Variants in ZFHX3 observed in about 807,000 individuals in gnomAD.
The protein encoded by ZFHX3 is zinc finger homeobox 3, also known as zinc finger homeobox protein 3.
ZFHX3 carries 42 observed loss-of-function variants against 279.1 expected under a neutral mutation model. The observed-to-expected ratio is 0.15, with a 90% CI of 0.12 to 0.19. The LOEUF (loss-of-function observed/expected upper bound fraction) is 0.19. ZFHX3 is among the 10% of genes least tolerant of loss of function. The pLI is 1.00. For synonymous variants in ZFHX3, 2,293 were observed against 1,957.8 expected (o/e 1.17, Z -4.52); for missense variants, 4,981 against 4,754.0 (o/e 1.05, Z -1.40).
At chr16:73,713,548 T>C (rs545121316) in intron 1 of ZFHX3, among the ~76,000 whole-genome samples, 2 of 151,864 alleles carry the variant, frequency 1.3e-5, no homozygotes, top group East Asian at 3.9e-4. Flanking sequence ...TGCAGGCACA[T>C]ACTCCAGACA....
intron 2 of ZFHX3, among the ~76,000 whole-genome samples, chr16:73,473,339 C>CAAAAAAAAAAAAAAAAAAGAAAAAAA (rs11347779): frequency 1.3e-5 from 1 of 76,658 alleles, no homozygotes; most frequent in Non-Finnish European, 2.3e-5. Flanking sequence ...TGTCTCAAAG[C>CAAAAAAAAAAAAAAAAAAGAAAAAAA]AAAAAAAAAA....
intron 8 of ZFHX3, among the ~76,000 whole-genome samples, chr16:73,070,898 T>A (rs1346320586): frequency 6.9e-6 from 1 of 145,934 alleles, no homozygotes; most frequent in African/African-American, 2.5e-5. Flanking sequence ...CCTTGCGGGC[T>A]GGTTCCTAGA....
At chr16:73,373,101 G>A (rs1597306275) in intron 3 of ZFHX3, among the ~76,000 whole-genome samples, 1 of 150,688 alleles carries the variant, frequency 6.6e-6, no homozygotes, top group East Asian at 2.0e-4. Flanking sequence ...GAGACACCTG[G>A]GCCTGGGGAC....
Position 72,959,308 on chromosome 16 carries a change from G to C in ZFHX3, c.838C>G (p.Pro280Ala). The change falls in exon 2 of 10, where the codon CCC becomes GCC. Residue 280 changes from proline (P) to alanine (A), a missense_variant. Pro to Ala is a conservative substitution (Grantham distance 27). Around this residue, in one of 7 missense-constraint regions of ZFHX3, gnomAD observed 1,068 missense variants for 935.2 expected, o/e 1.14. Coordinates refer to ENST00000268489, the MANE Select transcript of ZFHX3 (RefSeq NM_006885.4). ...TTGCACAAGAAACACATCAGGATGG[G>C]CTTCCTCTTGCCATAGAGCACAAAG... ...DGFVLYGKRK[P>A]ILMCFLCKLS... 2 of 1,614,222 alleles carry C rather than the reference G, an allele frequency of 1.2e-6. No individual in the cohort carries two copies. Among genetic ancestry groups the C allele is most frequent in the Non-Finnish European group, 1.7e-6 (2 of 1,180,034 alleles).
At chr16:73,345,687 G>C (rs553959195) in intron 3 of ZFHX3, among the ~76,000 whole-genome samples, 5 of 152,122 alleles carry the variant, frequency 3.3e-5, no homozygotes, top group Non-Finnish European at 4.4e-5. Flanking sequence ...TGTGAGTAGT[G>C]CTGCAATGAA....
chr16:73,033,294 C>T (rs1349367676), intron 1 of ZFHX3, among the ~76,000 whole-genome samples: 1 of 152,138 alleles, frequency 6.6e-6, no homozygotes, highest in African/African-American at 2.4e-5. Flanking sequence ...GGTTAAATGC[C>T]CAGTGTCTGA....
chr16:73,325,926 C>CACACAA (rs778693267), intron 3 of ZFHX3, among the ~76,000 whole-genome samples: 2 of 78,318 alleles, frequency 2.6e-5, no homozygotes, highest in South Asian at 4.4e-4. Context: ...CACACACACA[C>CACACAA]AAACACACAC....
chr16:73,534,697 A>G (rs2143735335), intron 2 of ZFHX3, among the ~76,000 whole-genome samples: 1 of 152,362 alleles, frequency 6.6e-6, no homozygotes, highest in African/African-American at 2.4e-5. Context: ...AATAATGCAC[A>G]ATAAATGTTA....
intron 4 of ZFHX3, among the ~76,000 whole-genome samples, chr16:72,843,625 G>A (rs1392441700): frequency 2.6e-5 from 4 of 151,204 alleles, no homozygotes; most frequent in Non-Finnish European, 5.9e-5. Flanking sequence ...TCGGGGTGAC[G>A]CTTACACAGT....
At chr16:73,065,381 C>G (rs1329203940) in intron 8 of ZFHX3, among the ~76,000 whole-genome samples, 1 of 152,108 alleles carries the variant, frequency 6.6e-6, no homozygotes, top group African/African-American at 2.4e-5. Context: ...TTACCCACCA[C>G]CCCCATCCCT....
intron 1 of ZFHX3, among the ~76,000 whole-genome samples, chr16:73,848,122 C>T (rs1292416028): frequency 2.6e-5 from 4 of 151,936 alleles, no homozygotes; most frequent in African/African-American, 9.7e-5. Flanking sequence ...TGTCTCATTA[C>T]AGTTTACACT....
In ZFHX3 at chr16:72,958,303, C is replaced by A. The variant is rs374656443; in HGVS notation, c.1843G>T (p.Gly615Cys). Reference sequence around the variant, plus strand: ...GCGTGCTGGTGATGGGGAACGAAGCCCCCATCGTCACCCTCTGTGCTTTCA... The same window carrying A: ...GCGTGCTGGTGATGGGGAACGAAGCACCCATCGTCACCCTCTGTGCTTTCA... ...PNESTEGDDG[G>C]FVPHHQHAGS... Residue 615 changes from glycine to cysteine, a missense_variant, in exon 2 of 10, where the codon GGC (glycine) becomes TGC (cysteine). Coordinates refer to ENST00000268489, the MANE Select transcript of ZFHX3 (RefSeq NM_006885.4). 11 of 1,613,890 alleles carry A rather than the reference C, an allele frequency of 6.8e-6. No homozygotes were observed. The highest frequency in any genetic ancestry group is 9.3e-6 in the Non-Finnish European group (11 of 1,179,884).
intron 1 of ZFHX3, among the ~76,000 whole-genome samples, chr16:73,866,540 T>C (rs1246255714): frequency 6.6e-6 from 1 of 152,160 alleles, no homozygotes; most frequent in Admixed American, 6.5e-5. Flanking sequence ...TCCATCACTT[T>C]TCAAAGAGTT....
At chr16:73,881,205 G>A (rs187921711) in intron 1 of ZFHX3, among the ~76,000 whole-genome samples, 3 of 152,234 alleles carry the variant, frequency 2.0e-5, no homozygotes, top group East Asian at 1.9e-4. Context: ...TGTGCGGTCC[G>A]CTGATATCTC....
At chr16:73,143,237 A>G (rs1966852079) in intron 6 of ZFHX3, among the ~76,000 whole-genome samples, 1 of 152,148 alleles carries the variant, frequency 6.6e-6, no homozygotes, top group Admixed American at 6.5e-5. Flanking sequence ...TTTTTAAGGA[A>G]AGCATGACGT....
chr16:73,496,555 C>T (rs936351707), intron 2 of ZFHX3, among the ~76,000 whole-genome samples: 3 of 152,062 alleles, frequency 2.0e-5, no homozygotes, highest in African/African-American at 7.2e-5. Context: ...AAAAGAAACA[C>T]ATTTTTAAAA....
chr16:72,861,614 T>A (rs1453746658), intron 4 of ZFHX3, among the ~76,000 whole-genome samples: 4 of 152,026 alleles, frequency 2.6e-5, no homozygotes, highest in Admixed American at 6.5e-5. Flanking sequence ...GAAAAATACA[T>A]CAGAGAAAAA....
At chr16:73,535,932 C>T (rs1189557092) in intron 2 of ZFHX3, among the ~76,000 whole-genome samples, 1 of 151,930 alleles carries the variant, frequency 6.6e-6, no homozygotes, top group African/African-American at 2.4e-5. Context: ...CCATGTTAGC[C>T]AGGATGGTCT....
chr16:72,958,321 T>C lies in ZFHX3; in HGVS notation c.1825A>G (p.Thr609Ala). The C allele has an allele frequency of 6.2e-7, 1 of 1,614,082 alleles. No individual in the cohort carries two copies. ...NATAPEPNESTEGDDGGFVPH... is the reference protein window; with the variant it reads ...NATAPEPNESAEGDDGGFVPH... ...ACGAAGCCCCCATCGTCACCCTCTG[T>C]GCTTTCATTTGGTTCTGGTGCTGTG... The change falls in exon 2 of 10, where the codon ACA becomes GCA. Residue 609 changes from threonine (T) to alanine (A), a missense_variant. By Grantham distance (58) the Thr-to-Ala change is moderately conservative (BLOSUM62 0). Transcript: ENST00000268489.
Sources: gnomAD v4.1 joint callset for allele counts (sites outside exome capture counted in the v4.1 genomes callset) on GRCh38, gnomAD v4.1.1 for gene constraint, gnomAD v4.1.1 regional missense constraint, MANE v1.5 for transcripts, NCBI Gene and HGNC (gene_info 2026-07-23, HGNC 2026-07-21) for gene names.